Variants in CDH18 observed in about 807,000 individuals in gnomAD.
The protein encoded by CDH18 is cadherin 18, also known as cadherin-18.
A neutral mutation model predicts 67.9 loss-of-function variants in CDH18; 31 were observed. The ratio of observed to expected loss-of-function variants is 0.46; its 90% CI spans 0.34 to 0.62. The LOEUF (loss-of-function observed/expected upper bound fraction) is 0.62. CDH18 is among the 20% of genes least tolerant of loss of function. CDH18 has a pLI of 0.01. For synonymous variants in CDH18, 362 were observed against 347.2 expected, an observed-to-expected ratio of 1.04 and a Z score of -0.48; for missense variants, 890 against 975.5, an observed-to-expected ratio of 0.91 and a Z score of 1.17.
chr5:19,698,473 G>A (rs1305447764), intron 5 of CDH18, among the ~76,000 whole-genome samples: 1 of 151,826 alleles, frequency 6.6e-6, no homozygotes, highest in Non-Finnish European at 1.5e-5. Flanking sequence ...AGCTAATTTG[G>A]CTCAATAAAA....
intron 2 of CDH18, among the ~76,000 whole-genome samples, chr5:19,954,285 A>G (rs1007118496): frequency 1.3e-5 from 2 of 152,094 alleles, no homozygotes; most frequent in Admixed American, 6.6e-5. Context: ...AAAGGCTAAA[A>G]ACAGTATCAA....
intron 11 of CDH18, among the ~76,000 whole-genome samples, chr5:19,489,250 C>CTTT (rs1237810466): frequency 3.6e-4 from 46 of 128,108 alleles, no homozygotes; most frequent in African/African-American, 1.2e-3. Context: ...TTTTTTTTTT[C>CTTT]TTTTTTTTTT....
intron 1 of CDH18, among the ~76,000 whole-genome samples, chr5:20,371,764 C>T (rs929427841): frequency 2.6e-5 from 4 of 152,084 alleles, no homozygotes; most frequent in African/African-American, 7.2e-5. Flanking sequence ...GAGAACAAGA[C>T]GGGTGATGGG....
At chr5:20,277,141 A>G in intron 1 of CDH18, among the ~76,000 whole-genome samples, 1 of 152,122 alleles carries the variant, frequency 6.6e-6, no homozygotes, top group East Asian at 1.9e-4. Flanking sequence ...TTAGAGCCCT[A>G]GGTCCTTGAG....
intron 2 of CDH18, among the ~76,000 whole-genome samples, chr5:19,995,019 C>A (rs1735891764): frequency 6.6e-6 from 1 of 150,952 alleles, no homozygotes; most frequent in African/African-American, 2.4e-5. Flanking sequence ...CACCAATGCT[C>A]AAGGACAGGA....
chr5:20,438,102 T>A (rs563320936), intron 1 of CDH18, among the ~76,000 whole-genome samples: 1 of 151,288 alleles, frequency 6.6e-6, no homozygotes, highest in Non-Finnish European at 1.5e-5. Flanking sequence ...AACATCTTCC[T>A]GTTAGCAAGT....
intron 2 of CDH18, among the ~76,000 whole-genome samples, chr5:19,974,329 C>T (rs866268047): frequency 2.6e-5 from 4 of 151,634 alleles, no homozygotes; most frequent in Middle Eastern, 3.4e-3. Context: ...TTCAGGAGTT[C>T]GAGACTAGCC....
intron 8 of CDH18, among the ~76,000 whole-genome samples, chr5:19,571,092 C>T (rs116083544): frequency 2.0e-4 from 30 of 152,326 alleles, no homozygotes; most frequent in Middle Eastern, 3.4e-3. Flanking sequence ...CACATTGCTT[C>T]ATGCATCCTC....
At chr5:20,528,142 C>G (rs1382988551) in intron 1 of CDH18, among the ~76,000 whole-genome samples, 3 of 151,852 alleles carry the variant, frequency 2.0e-5, no homozygotes, top group Non-Finnish European at 4.4e-5. Context: ...GGCTTTAAAC[C>G]AACAAATTTG....
chr5:20,379,598 T>C (rs1056339714), intron 1 of CDH18, among the ~76,000 whole-genome samples: 2 of 152,134 alleles, frequency 1.3e-5, no homozygotes, highest in Non-Finnish European at 2.9e-5. Flanking sequence ...TAATATGTGA[T>C]GAAAAATAAA....
intron 5 of CDH18, among the ~76,000 whole-genome samples, chr5:19,641,185 A>G (rs1282764226): frequency 6.6e-6 from 1 of 151,654 alleles, no homozygotes; most frequent in South Asian, 2.1e-4. Context: ...ACAAATGAGG[A>G]AATTGAATTT....
In CDH18 at chr5:19,593,725, T is replaced by C. The variant is rs1296852176; in HGVS notation, c.812-2481A>G. On this transcript the variant is annotated intron_variant, in intron 6 of 12. Coordinates refer to ENST00000382275, the MANE Select transcript of CDH18 (RefSeq NM_004934.5). ...TCCTCCTCCTTCTTCTTCTTCTTCT[T>C]CTTCTTCTTCTTCTTCTTCTTCTTC... is the stretch of plus-strand genomic sequence containing the variant. 1.9e-3 allele frequency among the ~76,000 whole-genome samples: 223 copies of C among 114,896 alleles called. 4 individuals are homozygous for C. Among genetic ancestry groups the C allele is most frequent in the East Asian group, 6.6e-3 (18 of 2,744 alleles). The allele number at this position is 114,896 out of a possible 152,430, so 75.4% of individuals were successfully genotyped here. A position where few individuals can be genotyped will look rare whatever the true frequency, so the allele number is the denominator to read the frequency against.
At chr5:19,608,006 C>T (rs145321522) in intron 6 of CDH18, among the ~76,000 whole-genome samples, 178 of 150,934 alleles carry the variant, frequency 1.2e-3, no homozygotes, top group African/African-American at 4.2e-3. Context: ...AAAACTGCAT[C>T]TAAGAAAAAT....
chr5:19,584,508 G>C (rs1278655647), intron 7 of CDH18, among the ~76,000 whole-genome samples: 1 of 152,030 alleles, frequency 6.6e-6, no homozygotes, highest in East Asian at 1.9e-4. Context: ...CAGGTATACA[G>C]GTTTTTGAAA....
At chr5:20,057,417 A>AATTATTAAT (rs1554085066) in intron 2 of CDH18, among the ~76,000 whole-genome samples, 4 of 152,182 alleles carry the variant, frequency 2.6e-5, no homozygotes, top group Non-Finnish European at 4.4e-5. Flanking sequence ...GTTGTACTGA[A>AATTATTAAT]ATTATTAATT....
At chr5:20,007,055 G>A (rs2150409494) in intron 2 of CDH18, among the ~76,000 whole-genome samples, 1 of 151,862 alleles carries the variant, frequency 6.6e-6, no homozygotes, top group Admixed American at 6.6e-5. Flanking sequence ...TGATTCACTG[G>A]AAGTACCAAG....
chr5:19,859,989 G>GGTGGGTGTGT (rs1554052083), intron 2 of CDH18, among the ~76,000 whole-genome samples: 2 of 143,248 alleles, frequency 1.4e-5, no homozygotes, highest in East Asian at 2.1e-4. Context: ...GTTTGCTTTG[G>GGTGGGTGTGT]GTGTGTGTGT....
At chr5:20,492,129 A>G (rs879356226) in intron 1 of CDH18, among the ~76,000 whole-genome samples, 1 of 151,870 alleles carries the variant, frequency 6.6e-6, no homozygotes, top group Non-Finnish European at 1.5e-5. Context: ...GCCATACTGT[A>G]CCTCCCTTTT....
chr5:19,782,803 T>C (rs535052033), intron 3 of CDH18, among the ~76,000 whole-genome samples: 8 of 152,222 alleles, frequency 5.3e-5, no homozygotes, highest in African/African-American at 1.4e-4. Flanking sequence ...TGTTTCTTCT[T>C]GTTTTGATAA....
Sources: allele counts gnomAD v4.1 joint callset (sites outside exome capture counted in the v4.1 genomes callset), GRCh38; gene constraint gnomAD v4.1.1; transcripts MANE v1.5; gene names NCBI Gene and HGNC (gene_info 2026-07-23, HGNC 2026-07-21).